The following STK33 variants were observed in gnomAD, a reference collection of about 807,000 sequenced individuals.
STK33 encodes serine/threonine-protein kinase 33.
Under a neutral mutation model 58.0 loss-of-function variants are expected in STK33, and 52 were observed. The ratio of observed to expected loss-of-function variants is 0.90; its 90% CI spans 0.72 to 1.13. The LOEUF (loss-of-function observed/expected upper bound fraction) is 1.13. Among genes scored for constraint, STK33 ranks in the 50% most tolerant of loss-of-function variants. The pLI is 0.00. For missense variants in STK33, 630 were observed against 604.2 expected (o/e 1.04, Z -0.45); for synonymous variants, 215 against 200.1 (o/e 1.07, Z -0.63).
chr11:8,507,785 G>C (rs937767699), intron 1 of STK33, among the ~76,000 whole-genome samples: 1 of 152,122 alleles, frequency 6.6e-6, no homozygotes, highest in Non-Finnish European at 1.5e-5. Flanking sequence ...CCTATAATAC[G>C]ACTCCTATCA....
intron 1 of STK33, among the ~76,000 whole-genome samples, chr11:8,494,039 A>C (rs998922706): frequency 1.3e-5 from 2 of 152,224 alleles, no homozygotes; most frequent in African/African-American, 2.4e-5. Flanking sequence ...AACCTGCACA[A>C]GACAGGGATG....
intron 6 of STK33, among the ~76,000 whole-genome samples, chr11:8,468,217 A>T (rs555979230): frequency 6.6e-6 from 1 of 152,298 alleles, no homozygotes; most frequent in East Asian, 1.9e-4. Context: ...TCCCATTTTT[A>T]AAACCATCAC....
intron 15 of STK33, among the ~76,000 whole-genome samples, chr11:8,408,567 AT>A (rs1464430118): frequency 3.9e-5 from 6 of 152,248 alleles, no homozygotes; most frequent in African/African-American, 1.4e-4. Context: ...ATTAGATCAA[AT>A]AACAGGTCAA....
intron 7 of STK33, among the ~76,000 whole-genome samples, chr11:8,463,392 C>T (rs984973827): frequency 2.0e-5 from 3 of 152,102 alleles, no homozygotes; most frequent in Non-Finnish European, 4.4e-5. Context: ...AATCTAATGC[C>T]GCTGCTGATC....
intron 1 of STK33, among the ~76,000 whole-genome samples, chr11:8,538,716 C>T (rs896351845): frequency 2.6e-5 from 4 of 152,190 alleles, no homozygotes; most frequent in Admixed American, 6.5e-5. Context: ...CTACATGTGT[C>T]TAGTGCTCAA....
intron 1 of STK33, among the ~76,000 whole-genome samples, chr11:8,501,665 T>C (rs1951524980): frequency 6.6e-6 from 1 of 152,162 alleles, no homozygotes. Context: ...ACATCTACCA[T>C]ATGATCCAGC....
intron 1 of STK33, among the ~76,000 whole-genome samples, chr11:8,578,019 G>A (rs76633799): frequency 0.012 from 1,821 of 152,158 alleles, 42 homozygotes; most frequent in African/African-American, 0.042. Context: ...GTGAGTAAAT[G>A]TCTGCTCATA....
At chr11:8,354,516 A>C in the STK33 span, among the ~76,000 whole-genome samples, 43 of 127,764 alleles carry the variant, frequency 3.4e-4, no homozygotes, top group Admixed American at 3.0e-3. Flanking sequence ...ACACACACAC[A>C]CCCCTCAGAC....
intron 15 of STK33, among the ~76,000 whole-genome samples, chr11:8,395,563 A>C (rs1208661243): frequency 1.3e-5 from 2 of 152,254 alleles, no homozygotes. Context: ...CCAACTATAA[A>C]CACTCTTTTA....
chr11:8,459,494 T>C (rs1223653234), intron 8 of STK33, among the ~76,000 whole-genome samples: 1 of 152,126 alleles, frequency 6.6e-6, no homozygotes, highest in Non-Finnish European at 1.5e-5. Flanking sequence ...CAGACTTATC[T>C]TCCTACCTGA....
At chr11:8,534,701 A>G (rs1954856596) in intron 1 of STK33, among the ~76,000 whole-genome samples, 1 of 151,940 alleles carries the variant, frequency 6.6e-6, no homozygotes, top group Non-Finnish European at 1.5e-5. Context: ...AACATATTAA[A>G]TCATCATCCA....
At chr11:8,381,165 A>C in the STK33 span, among the ~76,000 whole-genome samples, 1 of 152,168 alleles carries the variant, frequency 6.6e-6, no homozygotes, top group Non-Finnish European at 1.5e-5. Context: ...TACAATGTAC[A>C]CTACTCGGGT....
At chr11:8,394,686 C>T (rs548509420) in intron 15 of STK33, among the ~76,000 whole-genome samples, 7 of 152,176 alleles carry the variant, frequency 4.6e-5, no homozygotes, top group Middle Eastern at 3.4e-3. Context: ...TTCCCAAAAA[C>T]GCTACAGATG....
intron 15 of STK33, among the ~76,000 whole-genome samples, chr11:8,404,471 T>C (rs1266646820): frequency 2.0e-5 from 3 of 152,196 alleles, no homozygotes; most frequent in African/African-American, 7.2e-5. Context: ...TCTGATTTTT[T>C]CAACATAAAT....
chr11:8,473,473 A>G (rs1948981833), intron 5 of STK33, among the ~76,000 whole-genome samples, 197 bp from the exon 6 acceptor site: 1 of 152,168 alleles, frequency 6.6e-6, no homozygotes, highest in South Asian at 2.1e-4. Context: ...GACCTTAAGA[A>G]GATATTCAAT....
intron 1 of STK33, among the ~76,000 whole-genome samples, chr11:8,546,935 C>T (rs1246451758): frequency 1.3e-5 from 2 of 152,098 alleles, no homozygotes; most frequent in African/African-American, 4.8e-5. Context: ...ATATATCCAG[C>T]AGTGGGATTG....
chr11:8,526,764 C>T (rs929548304), intron 1 of STK33, among the ~76,000 whole-genome samples: 2 of 148,600 alleles, frequency 1.3e-5, no homozygotes, highest in Admixed American at 1.3e-4. Flanking sequence ...AACACACACA[C>T]ACACAAAAAG....
intron 1 of STK33, among the ~76,000 whole-genome samples, chr11:8,503,143 T>A (rs1951634922): frequency 6.6e-6 from 1 of 152,198 alleles, no homozygotes; most frequent in Admixed American, 6.5e-5. Context: ...TAAATCATTC[T>A]ACTATAAAGA....
At chr11:8,496,796 G>A (rs983216656) in intron 1 of STK33, among the ~76,000 whole-genome samples, 16 of 151,924 alleles carry the variant, frequency 1.1e-4, no homozygotes, top group East Asian at 3.9e-4. Flanking sequence ...GGATGGTCTC[G>A]ATCTCCTCAC....
Sources: gnomAD v4.1 joint callset for allele counts (sites outside exome capture counted in the v4.1 genomes callset) on GRCh38, gnomAD v4.1.1 for gene constraint, MANE v1.5 for transcripts, NCBI Gene and HGNC (gene_info 2026-07-23, HGNC 2026-07-21) for gene names.